USP12: variants seen among roughly 807,000 people sequenced by gnomAD.
USP12 encodes the protein ubiquitin carboxyl-terminal hydrolase 12.
A neutral mutation model predicts 45.5 loss-of-function variants in USP12; 19 were observed. That is an observed-to-expected ratio of 0.42 (90% confidence interval 0.29 to 0.61). The LOEUF (loss-of-function observed/expected upper bound fraction) is 0.61, where lower values mean the gene tolerates loss of function less well. Ranked by LOEUF, USP12 falls within the 20% of genes least tolerant of loss-of-function variation. The probability of loss-of-function intolerance (pLI) is 0.22; values close to 1 mark genes in which losing one functional copy is unlikely to be tolerated. For missense variants in USP12, 242 were observed against 447.7 expected (o/e 0.54, Z 4.15); for synonymous variants, 149 against 148.8 (o/e 1.00, Z -0.01).
intron 1 of USP12, among the ~76,000 whole-genome samples, chr13:27,132,225 T>C (rs1044885865): frequency 5.3e-5 from 8 of 152,194 alleles, no homozygotes; most frequent in Admixed American, 4.6e-4. Context: ...ATCTTTGGTG[T>C]ATTCAAAAAG....
chr13:27,068,944 C>T lies in USP12; in HGVS notation c.*339G>A, dbSNP rs568614448. The T allele has an allele frequency of 6.3e-6, 2 of 318,546 alleles. No homozygotes were observed. The highest frequency in any genetic ancestry group is 8.1e-5 in the East Asian group (1 of 12,346). 19.7% of individuals were successfully genotyped at this position (318,546 alleles called of 1,614,324 possible). A position where few individuals can be genotyped will look rare whatever the true frequency, so the allele number is the denominator to read the frequency against. On this transcript the variant is annotated 3_prime_UTR_variant, in exon 9 of 9. Transcript: ENST00000282344. ...ACGGCACAGATTCCGATTCTTTCTA[C>T]TGCACCCCCAAGGAATTCAAAGCAT...
intron 2 of USP12, among the ~76,000 whole-genome samples, chr13:27,115,355 T>A (rs1875677310): frequency 6.6e-6 from 1 of 152,128 alleles, no homozygotes; most frequent in Non-Finnish European, 1.5e-5. Flanking sequence ...GCTGATTCTT[T>A]GTTATAGGTT....
chr13:27,104,941 T>C (rs1875056608), intron 3 of USP12, among the ~76,000 whole-genome samples: 1 of 152,228 alleles, frequency 6.6e-6, no homozygotes, highest in Non-Finnish European at 1.5e-5. Context: ...ATTCTACATG[T>C]TATCTAAATT....
chr13:27,166,419 T>C (rs1878347429), intron 1 of USP12, among the ~76,000 whole-genome samples: 1 of 152,194 alleles, frequency 6.6e-6, no homozygotes, highest in East Asian at 1.9e-4. Flanking sequence ...ATTTGGTAAA[T>C]GACAAAAAGG....
intron 6 of USP12, among the ~76,000 whole-genome samples, chr13:27,084,166 GCATACA>G (rs1221100712): frequency 8.1e-5 from 8 of 99,080 alleles, no homozygotes; most frequent in African/African-American, 2.8e-4. Context: ...ATCCATGTTT[GCATACA>G]CACACACACA....
chr13:27,080,356 A>G (rs1475387356), intron 6 of USP12, among the ~76,000 whole-genome samples: 1 of 152,234 alleles, frequency 6.6e-6, no homozygotes, highest in East Asian at 1.9e-4. Context: ...GGAATAAGAT[A>G]TGGATCTAGT....
intron 1 of USP12, chr13:27,170,153 G>GA (rs1878522497): frequency 2.5e-6 from 1 of 395,810 alleles, no homozygotes; most frequent in Non-Finnish European, 4.4e-6. Context: ...TGTAAACTGT[G>GA]AGAAAGAACA....
At chr13:27,160,568 T>G (rs1878058575) in intron 1 of USP12, among the ~76,000 whole-genome samples, 1 of 152,094 alleles carries the variant, frequency 6.6e-6, no homozygotes, top group Non-Finnish European at 1.5e-5. Flanking sequence ...GCACAATATT[T>G]TTGGTTTTGT....
chr13:27,127,811 C>T (rs1199629740), intron 1 of USP12, among the ~76,000 whole-genome samples: 4 of 152,132 alleles, frequency 2.6e-5, no homozygotes, highest in East Asian at 1.9e-4. Flanking sequence ...TTAATCACTG[C>T]GCAAGTAACT....
intron 1 of USP12, among the ~76,000 whole-genome samples, chr13:27,127,907 ATAAC>A (rs374917585): frequency 1.3e-5 from 2 of 152,246 alleles, no homozygotes; most frequent in Non-Finnish European, 2.9e-5. Context: ...TCACTGCTAA[ATAAC>A]TAAGCCAAAA....
At chr13:27,104,455 GAGA>G (rs950531339) in intron 3 of USP12, among the ~76,000 whole-genome samples, 17 of 152,208 alleles carry the variant, frequency 1.1e-4, no homozygotes, top group African/African-American at 3.1e-4. Context: ...CAAAAAGACT[GAGA>G]AGACTTAACT....
chr13:27,130,395 A>C (rs1876437733), intron 1 of USP12, among the ~76,000 whole-genome samples: 1 of 152,202 alleles, frequency 6.6e-6, no homozygotes, highest in Non-Finnish European at 1.5e-5. Context: ...CAAGGAATAC[A>C]GACTTTGCAA....
chr13:27,162,644 C>T (rs1007771392), intron 1 of USP12, among the ~76,000 whole-genome samples: 1 of 152,156 alleles, frequency 6.6e-6, no homozygotes, highest in Non-Finnish European at 1.5e-5. Flanking sequence ...ACAATACTAT[C>T]GTGTTACTGT....
At position 27,066,916 on chromosome 13, in the gene USP12, A is replaced by G. The variant is rs1191292731; in HGVS notation, c.*2367T>C. The G allele has an allele frequency of 2.0e-5, 3 of 152,166 alleles. No homozygotes were observed. Among genetic ancestry groups the G allele is most frequent in the Non-Finnish European group, 4.4e-5 (3 of 68,024 alleles). 9.4% of individuals were successfully genotyped at this position (152,166 alleles called of 1,614,324 possible). A position where few individuals can be genotyped will look rare whatever the true frequency, so the allele number is the denominator to read the frequency against. On this transcript the variant is annotated 3_prime_UTR_variant, in exon 9 of 9. Coordinates refer to ENST00000282344, the MANE Select transcript of USP12 (RefSeq NM_182488.4). The stretch of plus-strand genomic sequence containing the variant: ...CTGACCCTATACGTTTTAAAAGTAC[A>G]TTTAGTTTCTGATAAACTTCAAAAC...
At chr13:27,069,684 A>T (rs1007190227) in intron 8 of USP12, among the ~76,000 whole-genome samples, 10 of 152,234 alleles carry the variant, frequency 6.6e-5, no homozygotes, top group African/African-American at 2.4e-4. Flanking sequence ...ACACTGACTC[A>T]CGCCTGTAAT....
intron 6 of USP12, among the ~76,000 whole-genome samples, chr13:27,085,739 A>C (rs1490737429): frequency 6.6e-6 from 1 of 152,136 alleles, no homozygotes; most frequent in Admixed American, 6.6e-5. Flanking sequence ...AGTGTCCAAA[A>C]ATATGTGGGG....
chr13:27,079,245 G>A (rs1438105276), intron 6 of USP12, among the ~76,000 whole-genome samples: 1 of 150,880 alleles, frequency 6.6e-6, no homozygotes, highest in Non-Finnish European at 1.5e-5. Flanking sequence ...GAGAGGGAAG[G>A]AAACCAGGTA....
At chr13:27,126,953 C>T (rs1876266616) in intron 1 of USP12, among the ~76,000 whole-genome samples, 1 of 152,162 alleles carries the variant, frequency 6.6e-6, no homozygotes, top group South Asian at 2.1e-4. Flanking sequence ...AACTACAATG[C>T]CATCTATTAC....
intron 6 of USP12, among the ~76,000 whole-genome samples, chr13:27,079,768 C>A (rs1389754494): frequency 6.6e-6 from 1 of 152,186 alleles, no homozygotes. Flanking sequence ...GAATGCAATA[C>A]CCCAGCCACA....
Sources: gnomAD v4.1 joint callset for allele counts (sites outside exome capture counted in the v4.1 genomes callset) on GRCh38, gnomAD v4.1.1 for gene constraint, MANE v1.5 for transcripts, NCBI Gene and HGNC (gene_info 2026-07-23, HGNC 2026-07-21) for gene names.